APPL2: variants seen among roughly 807,000 people sequenced by gnomAD.
APPL2 encodes adaptor protein, phosphotyrosine interacting with PH domain and leucine zipper 2, also known as DCC-interacting protein 13-beta.
In APPL2, 84 loss-of-function variants were observed where a neutral mutation model predicts 92.7. That is an observed-to-expected ratio of 0.91 (90% CI 0.76 to 1.09). APPL2 has a LOEUF of 1.09. APPL2 is among the 50% of genes least tolerant of loss of function. The pLI, the probability that APPL2 is intolerant of heterozygous loss-of-function variation, is 0.00. For synonymous variants in APPL2, 291 were observed against 291.0 expected (o/e 1.00, Z 0.00); for missense variants, 736 against 824.5 (o/e 0.89, Z 1.31).
chr12:105,189,639 A>G (rs914240574), intron 16 of APPL2, 133 bp downstream of exon 16: 1 of 1,069,296 alleles, frequency 9.4e-7, no homozygotes. Context: ...ATATCTTACT[A>G]AACTTTCAGA....
In APPL2 at chr12:105,176,978, T is replaced by C; in HGVS notation, c.1710A>G (p.Gln570=). ...CAAAACCAACCAGTCTCTTGTTTTC[T>C]TGATGAGCAGCAAATTGTGTGACAC... ...LTSVTQFAAH[Q]ENKRLVGFVI... The change falls in exon 19 of 21, where the codon CAA becomes CAG. Residue 570 remains glutamine, a synonymous_variant. Coordinates refer to ENST00000258530, the MANE Select transcript of APPL2 (RefSeq NM_018171.5). 6.2e-7 allele frequency: 1 copy of C among 1,614,142 alleles called. No individual in the cohort carries two copies.
chr12:105,174,305 G>T lies in APPL2; in HGVS notation c.*9C>A, dbSNP rs1278934000. The stretch of plus-strand genomic sequence containing the variant: ...TCCTGTTTGCTCTTCCCCCACAGGC[G>T]CAAGTGAGTTATGCTTCGGATTCTG... On this transcript the variant is annotated 3_prime_UTR_variant, in exon 21 of 21. Transcript: ENST00000258530. 1.2e-6 allele frequency: 2 copies of T among 1,612,958 alleles called. No individual in the cohort carries two copies. The highest frequency in any genetic ancestry group is 1.3e-5 in the African/African-American group (1 of 74,982).
intron 2 of APPL2, among the ~76,000 whole-genome samples, chr12:105,227,580 T>G (rs1890617032): frequency 6.6e-6 from 1 of 152,218 alleles, no homozygotes; most frequent in Non-Finnish European, 1.5e-5. Context: ...TCATTCTTGA[T>G]TCATCCTTTA....
In APPL2 at chr12:105,190,027, G is replaced by C. The variant is rs560274275; in HGVS notation, c.1370C>G (p.Pro457Arg). Residue 457 changes from proline to arginine, a missense_variant, in exon 15 of 21, where the codon CCT (proline) becomes CGT (arginine). Coordinates refer to ENST00000258530, the MANE Select transcript of APPL2 (RefSeq NM_018171.5). ...GTTCTGATCAAGGAATTCTGTAGCA[G>C]GAAGCACAATATCGAATTGAATCGG... ...GTPIQFDIVLPATEFLDQNRG... is the reference protein window; with the variant it reads ...GTPIQFDIVLRATEFLDQNRG... The C allele has an allele frequency of 6.2e-7, 1 of 1,614,192 alleles. No individual in the cohort carries two copies. The highest frequency in any genetic ancestry group is 1.1e-5 in the South Asian group (1 of 91,086).
chr12:105,174,230 AGT>A lies in APPL2; in HGVS notation c.*82_*83del. 6.7e-7 allele frequency: 1 copy of A among 1,492,538 alleles called. No homozygotes were observed. Among genetic ancestry groups the A allele is most frequent in the South Asian group, 1.3e-5 (1 of 75,362 alleles). 92.5% of individuals were successfully genotyped at this position (1,492,538 alleles called of 1,614,324 possible). ...ATTGTCAGCCTTCGGAAATCAGGTC[AGT>A]GTGCCTGTATGTCAGAGACGTTAAA... On this transcript the variant is annotated 3_prime_UTR_variant, in exon 21 of 21. Transcript: ENST00000258530.
chr12:105,194,014 G>C (rs1447875743), intron 14 of APPL2, among the ~76,000 whole-genome samples: 2 of 152,040 alleles, frequency 1.3e-5, no homozygotes, highest in Non-Finnish European at 2.9e-5. Flanking sequence ...CAGATACCCC[G>C]TGCCCGGCAT....
intron 8 of APPL2, among the ~76,000 whole-genome samples, chr12:105,204,654 A>G (rs1249445328): frequency 6.6e-6 from 1 of 152,186 alleles, no homozygotes; most frequent in Non-Finnish European, 1.5e-5. Flanking sequence ...TAATATCATT[A>G]ATTTGTTAAA....
chr12:105,188,388 C>CTGTT lies in APPL2; in HGVS notation c.1515_1518dup (p.Asp507AsnfsTer6), dbSNP rs1886914500. The CTGTT allele has an allele frequency of 5.0e-6, 8 of 1,614,070 alleles. No individual in the cohort carries two copies. Among genetic ancestry groups the CTGTT allele is most frequent in the African/African-American group, 1.3e-5 (1 of 74,934 alleles). On this transcript the variant is annotated frameshift_variant, in exon 17 of 21. Coordinates refer to ENST00000258530, the MANE Select transcript of APPL2 (RefSeq NM_018171.5). LOFTEE classifies it high-confidence loss of function. ...TCATAAATCACTTCAGTAGTGCTGT[C>CTGTT]TGTTTTAACTGCCATTGATCCCAAA...
At chr12:105,190,553 C>T (rs1283237262) in intron 14 of APPL2, among the ~76,000 whole-genome samples, 1 of 152,168 alleles carries the variant, frequency 6.6e-6, no homozygotes, top group African/African-American at 2.4e-5. Context: ...GCTCTAATTT[C>T]CCCAAAAGCC....
At chr12:105,192,720 G>A (rs2440696) in intron 14 of APPL2, among the ~76,000 whole-genome samples, 152,293 of 152,302 alleles carry the variant, frequency 1, 76,142 homozygotes, top group Middle Eastern at 1. Context: ...TTAACATTGG[G>A]GTGCTTCCCT....
intron 17 of APPL2, among the ~76,000 whole-genome samples, chr12:105,179,033 C>G (rs1158686186): frequency 6.6e-6 from 1 of 152,064 alleles, no homozygotes; most frequent in Non-Finnish European, 1.5e-5. Flanking sequence ...ATGTGCAGAA[C>G]GTGCAGGTTT....
At chr12:105,233,339 T>C in intron 1 of APPL2, 1 of 985,488 alleles carries the variant, frequency 1.0e-6, no homozygotes, top group Non-Finnish European at 1.2e-6. Context: ...CCCTAAAATG[T>C]TCAGCTTCCC....
At chr12:105,196,372 G>A (rs1303974524) in intron 11 of APPL2, among the ~76,000 whole-genome samples, 1 of 150,882 alleles carries the variant, frequency 6.6e-6, no homozygotes, top group Non-Finnish European at 1.5e-5. Flanking sequence ...GCGTATGGAG[G>A]CCCGGGAATA....
Position 105,174,566 on chromosome 12 carries a change from A to G in APPL2, c.1861-118T>C, listed in dbSNP as rs538990377. On this transcript the variant is annotated intron_variant, in intron 20 of 20. Coordinates refer to ENST00000258530, the MANE Select transcript of APPL2 (RefSeq NM_018171.5). Reference sequence around the variant, plus strand: ...GTCTTGTTTCTCCTGACTCTTGTGTATATGTGCCTTCCGCTGAGTCTCCTT... The same window carrying G: ...GTCTTGTTTCTCCTGACTCTTGTGTGTATGTGCCTTCCGCTGAGTCTCCTT... The G allele has an allele frequency of 2.1e-4, 220 of 1,071,254 alleles. 1 individual carries two copies. The highest frequency in any genetic ancestry group is 2.7e-4 in the Non-Finnish European group (207 of 777,014). 66.4% of individuals were successfully genotyped at this position (1,071,254 alleles called of 1,614,324 possible).
chr12:105,218,948 C>A (rs7133728), intron 2 of APPL2, among the ~76,000 whole-genome samples: 19,659 of 152,214 alleles, frequency 0.13, 1,473 homozygotes, highest in African/African-American at 0.21. Context: ...GGCTACACAG[C>A]GGTTTTCTAC....
chr12:105,186,694 T>TATATA (rs1566056613), intron 17 of APPL2, among the ~76,000 whole-genome samples: 1 of 60,856 alleles, frequency 1.6e-5, no homozygotes. Context: ...ATATATATCA[T>TATATA]ATATCATATC....
At chr12:105,230,391 A>G (rs1297800134) in intron 1 of APPL2, among the ~76,000 whole-genome samples, 1 of 152,210 alleles carries the variant, frequency 6.6e-6, no homozygotes, top group Non-Finnish European at 1.5e-5. Flanking sequence ...GATCTACTCA[A>G]GGGATTTTCG....
At position 105,188,254 on chromosome 12, in the gene APPL2, A is replaced by C; in HGVS notation, c.1634+19T>G. On this transcript the variant is annotated intron_variant, in intron 17 of 20. Coordinates refer to ENST00000258530, the MANE Select transcript of APPL2 (RefSeq NM_018171.5). ...TTAGCTGAAGCCATAAGAAAGTCTG[A>C]AAATAAAACTGAACGTACCTCAAAG... 6.2e-7 allele frequency: 1 copy of C among 1,612,800 alleles called. No homozygotes were observed. The highest frequency in any genetic ancestry group is 8.5e-7 in the Non-Finnish European group (1 of 1,179,020).
At chr12:105,183,386 G>A (rs1273964888) in intron 17 of APPL2, among the ~76,000 whole-genome samples, 2 of 152,134 alleles carry the variant, frequency 1.3e-5, no homozygotes, top group East Asian at 3.9e-4. Flanking sequence ...TTTTTGCAGT[G>A]GCTGGTACTG....
Sources: allele counts gnomAD v4.1 joint callset (sites outside exome capture counted in the v4.1 genomes callset), GRCh38; gene constraint gnomAD v4.1.1; transcripts MANE v1.5; gene names NCBI Gene and HGNC (gene_info 2026-07-23, HGNC 2026-07-21).